The following TYW1 variants were observed in gnomAD, a reference collection of about 807,000 sequenced individuals.
TYW1 encodes the protein S-adenosyl-L-methionine-dependent tRNA 4-demethylwyosine synthase TYW1.
In TYW1, 46 loss-of-function variants were observed where a neutral mutation model predicts 96.2. The observed-to-expected ratio is 0.48, with a 90% CI of 0.38 to 0.61. The LOEUF (loss-of-function observed/expected upper bound fraction) is 0.61, where lower values mean the gene tolerates loss of function less well. Ranked by LOEUF, TYW1 falls within the 20% of genes least tolerant of loss-of-function variation. The probability of loss-of-function intolerance (pLI) is 0.00; values close to 1 mark genes in which losing one functional copy is unlikely to be tolerated. For synonymous variants in TYW1, 274 were observed against 323.0 expected (o/e 0.85, Z 1.63); for missense variants, 684 against 909.6 (o/e 0.75, Z 3.19).
intron 10 of TYW1, among the ~76,000 whole-genome samples, chr7:67,080,034 A>G (rs1796332442): frequency 6.6e-6 from 1 of 152,202 alleles, no homozygotes; most frequent in South Asian, 2.1e-4. Flanking sequence ...ATGGATGAGA[A>G]GATCGTGTAT....
intron 15 of TYW1, among the ~76,000 whole-genome samples, chr7:67,199,831 A>T (rs542610853): frequency 6.6e-6 from 1 of 152,292 alleles, no homozygotes; most frequent in Non-Finnish European, 1.5e-5. Context: ...GGCCATTATC[A>T]ACATTAAAAG....
intron 13 of TYW1, among the ~76,000 whole-genome samples, chr7:67,139,730 T>G (rs1280982140): frequency 2.7e-4 from 14 of 50,992 alleles, no homozygotes; most frequent in African/African-American, 7.7e-4. Context: ...TGTATACAGG[T>G]GTGTGTGTGT....
chr7:67,131,827 A>G (rs537462253), intron 13 of TYW1, among the ~76,000 whole-genome samples: 9 of 152,344 alleles, frequency 5.9e-5, no homozygotes, highest in African/African-American at 2.2e-4. Context: ...TGTAAGTCCA[A>G]GAGTCCAAAA....
Position 67,183,365 on chromosome 7 carries a change from G to A in TYW1, c.1809+129G>A, listed in dbSNP as rs565866127. 2.4e-4 allele frequency: 187 copies of A among 770,692 alleles called. No individual in the cohort carries two copies. In the South Asian group the frequency reaches 3.5e-3, roughly 14 times the overall value. The allele number at this position is 770,692 out of a possible 1,614,324, so 47.7% of individuals were successfully genotyped here. On this transcript the variant is annotated intron_variant, in intron 14 of 15. Transcript: ENST00000359626. ...GGAATTTTATTGATGTATTCATTTC[G>A]TGATCGATATTCATCAAGAACCTGG...
At chr7:67,177,138 T>G (rs1362844467) in intron 13 of TYW1, among the ~76,000 whole-genome samples, 1 of 152,220 alleles carries the variant, frequency 6.6e-6, no homozygotes, top group East Asian at 1.9e-4. Context: ...AGACAATGAT[T>G]CTATCATATT....
At chr7:67,036,436 A>G (rs150619681) in intron 7 of TYW1, among the ~76,000 whole-genome samples, 2,216 of 152,338 alleles carry the variant, frequency 0.015, 30 homozygotes, top group Non-Finnish European at 0.023. Flanking sequence ...AACAGTCCAT[A>G]GTCCATGAAA....
At chr7:67,109,443 G>T (rs56254594) in intron 12 of TYW1, among the ~76,000 whole-genome samples, 31,158 of 95,474 alleles carry the variant, frequency 0.33, 3,315 homozygotes, top group African/African-American at 0.43. Flanking sequence ...ACAAGCGACT[G>T]TTTTTTACCT....
At chr7:67,123,090 G>A (rs974039365) in intron 13 of TYW1, among the ~76,000 whole-genome samples, 4 of 152,012 alleles carry the variant, frequency 2.6e-5, no homozygotes, top group African/African-American at 9.7e-5. Flanking sequence ...CCCTTTCATG[G>A]TTCTGACAAG....
At chr7:67,138,483 T>G (rs1798338278) in intron 13 of TYW1, among the ~76,000 whole-genome samples, 1 of 152,152 alleles carries the variant, frequency 6.6e-6, no homozygotes, top group East Asian at 1.9e-4. Context: ...AACAATCCAA[T>G]TATACTCCTT....
At chr7:67,103,000 G>C (rs1444751991) in intron 12 of TYW1, among the ~76,000 whole-genome samples, 2 of 152,186 alleles carry the variant, frequency 1.3e-5, no homozygotes, top group African/African-American at 4.8e-5. Flanking sequence ...GAAGGGTGCT[G>C]TGCTTCAGGG....
intron 11 of TYW1, among the ~76,000 whole-genome samples, chr7:67,094,658 G>T (rs1796836379): frequency 8.1e-6 from 1 of 123,190 alleles, no homozygotes; most frequent in African/African-American, 3.0e-5. Context: ...TAGAGTGTGT[G>T]TGTGTGTGTG....
chr7:67,042,666 C>T (rs943882963), intron 7 of TYW1, among the ~76,000 whole-genome samples: 3 of 151,890 alleles, frequency 2.0e-5, no homozygotes, highest in African/African-American at 4.8e-5. Flanking sequence ...AATGGGTTAG[C>T]GGGTGTGGGG....
rs556689793 is a variant in TYW1 at position 67,024,953 on chromosome 7, T to G, written c.915T>G (p.His305Gln). ...AAGAAGAGTTTGGTGGTGAGGACCA[T>G]CAGAGCCTAAATTCCATTGTTGATG... is the stretch of plus-strand genomic sequence containing the variant. ...SSEEEFGGED[H>Q]QSLNSIVDVE... is the part of the protein sequence containing the mutation. Residue 305 changes from histidine (H) to glutamine (Q), a missense_variant, in exon 7 of 16, where the codon CAT becomes CAG. His to Gln is a conservative substitution (Grantham distance 24). Transcript: ENST00000359626. 2.9e-5 allele frequency: 47 copies of G among 1,613,852 alleles called. No homozygotes were observed. The highest frequency in any genetic ancestry group is 1.7e-4 in the Middle Eastern group (1 of 6,056).
intron 13 of TYW1, among the ~76,000 whole-genome samples, chr7:67,168,779 TTG>T (rs1409952130): frequency 4.6e-5 from 7 of 152,272 alleles, no homozygotes; most frequent in African/African-American, 1.7e-4. Flanking sequence ...TGTTGCGATC[TTG>T]GCTCACTGCC....
chr7:67,138,801 G>A (rs1315886064), intron 13 of TYW1, among the ~76,000 whole-genome samples: 1 of 152,078 alleles, frequency 6.6e-6, no homozygotes, highest in African/African-American at 2.4e-5. Flanking sequence ...GGAGATGACA[G>A]GACCTCATTC....
intron 15 of TYW1, among the ~76,000 whole-genome samples, chr7:67,200,562 C>T (rs544815714): frequency 6.6e-6 from 1 of 152,280 alleles, no homozygotes; most frequent in South Asian, 2.1e-4. Flanking sequence ...TTATCTCCCA[C>T]CAGGTCCTTC....
intron 13 of TYW1, among the ~76,000 whole-genome samples, chr7:67,169,288 A>C (rs2116253050): frequency 6.6e-6 from 1 of 152,362 alleles, no homozygotes; most frequent in South Asian, 2.1e-4. Flanking sequence ...GTTTATTTAC[A>C]AAACAGTGTG....
At chr7:67,016,672 A>G (rs942609737) in intron 5 of TYW1, among the ~76,000 whole-genome samples, 8 of 152,224 alleles carry the variant, frequency 5.3e-5, no homozygotes, top group African/African-American at 1.7e-4. Context: ...GGGTCTCACC[A>G]TGTTGCCTAG....
rs980333493 is a variant in TYW1, at chr7:67,046,772, A to G, written c.985-3177A>G. 6.6e-5 allele frequency among the ~76,000 whole-genome samples: 10 copies of G among 152,324 alleles called. No homozygotes were observed. In the South Asian group the frequency reaches 1.9e-3, roughly 28 times the overall value. On this transcript the variant is annotated intron_variant, in intron 7 of 15. Coordinates refer to ENST00000359626, the MANE Select transcript of TYW1 (RefSeq NM_018264.4). Reference sequence around the variant, plus strand: ...ATAGGACTGAGCTGCCTTAGTGGGAAGGAGTGATGAATTTTGTTTGTCCTG... The same window carrying G: ...ATAGGACTGAGCTGCCTTAGTGGGAGGGAGTGATGAATTTTGTTTGTCCTG...
Sources: gnomAD v4.1 joint callset for allele counts (sites outside exome capture counted in the v4.1 genomes callset) on GRCh38, gnomAD v4.1.1 for gene constraint, MANE v1.5 for transcripts, NCBI Gene and HGNC (gene_info 2026-07-23, HGNC 2026-07-21) for gene names.